Variants in PARP4 observed in about 807,000 individuals in gnomAD.
PARP4 encodes the protein protein mono-ADP-ribosyltransferase PARP4.
Under a neutral mutation model 187.7 loss-of-function variants are expected in PARP4, and 120 were observed. The ratio of observed to expected loss-of-function variants is 0.64; its 90% CI spans 0.55 to 0.74. The LOEUF (loss-of-function observed/expected upper bound fraction) is 0.74, where lower values mean the gene tolerates loss of function less well. PARP4 is among the 30% of genes least tolerant of loss of function. The probability of loss-of-function intolerance (pLI) is 0.00; values close to 1 mark genes in which losing one functional copy is unlikely to be tolerated. For missense variants in PARP4, 1,836 were observed against 2,070.5 expected (o/e 0.89, Z 2.20); for synonymous variants, 654 against 740.9 (o/e 0.88, Z 1.90).
intron 33 of PARP4, among the ~76,000 whole-genome samples, chr13:24,424,079 C>A (rs1008021130): frequency 6.6e-6 from 1 of 152,160 alleles, no homozygotes; most frequent in African/African-American, 2.4e-5. Flanking sequence ...CCCGTCTCAG[C>A]CTCCTAAAGT....
At chr13:24,431,100 T>A (rs1015778429) in intron 32 of PARP4, among the ~76,000 whole-genome samples, 2 of 152,206 alleles carry the variant, frequency 1.3e-5, no homozygotes, top group Non-Finnish European at 2.9e-5. Context: ...AAAAAAGTAA[T>A]CTTTGATTAC....
At chr13:24,452,946 T>C (rs998376783) in intron 23 of PARP4, among the ~76,000 whole-genome samples, 1 of 152,134 alleles carries the variant, frequency 6.6e-6, no homozygotes, top group Non-Finnish European at 1.5e-5. Context: ...TTATTTTTTT[T>C]TTCTTTGAGA....
intron 8 of PARP4, among the ~76,000 whole-genome samples, chr13:24,492,817 A>C (rs1340205039): frequency 6.6e-6 from 1 of 152,232 alleles, no homozygotes; most frequent in Admixed American, 6.5e-5. Flanking sequence ...ACTAGAAGAA[A>C]GAACCAGAGT....
intron 10 of PARP4, among the ~76,000 whole-genome samples, chr13:24,489,075 C>A (rs1593642196): frequency 6.6e-6 from 1 of 152,128 alleles, no homozygotes. Context: ...TATTTAACCA[C>A]CTTTTGGCTG....
At position 24,435,512 on chromosome 13, in the gene PARP4, C is replaced by T. The variant is rs147582293; in HGVS notation, c.3667-38G>A. On this transcript the variant is annotated intron_variant, in intron 30 of 33. Transcript: ENST00000381989. ...CAGAATTATTAACGTAAGGGGAAAA[C>T]ACAGAATAAAAAGAACAATCAAGCA... 1.2e-4 allele frequency: 182 copies of T among 1,523,926 alleles called. 3 individuals carry two copies. The African/African-American group carries it at 2.3e-3, about 19-fold the overall frequency. The allele number at this position is 1,523,926 out of a possible 1,614,324, so 94.4% of individuals were successfully genotyped here.
In PARP4 at chr13:24,465,905, A is replaced by G. The variant is rs1021873922; in HGVS notation, c.2133+3119T>C. ...AACGAACGTATACTGGTTGTAATGT[A>G]ATGTATTCTGGTTGTAAGGTTCTTA... On this transcript the variant is annotated intron_variant, in intron 17 of 33. Transcript: ENST00000381989. 2.0e-5 allele frequency among the ~76,000 whole-genome samples: 3 copies of G among 152,342 alleles called. No individual in the cohort carries two copies. The South Asian group carries it at 6.2e-4, about 32-fold the overall frequency.
intron 24 of PARP4, among the ~76,000 whole-genome samples, chr13:24,450,633 C>T (rs564392354): frequency 6.6e-5 from 10 of 152,248 alleles, no homozygotes; most frequent in East Asian, 3.9e-4. Context: ...CCAGGACTCA[C>T]GCCAAGGAGG....
intron 12 of PARP4, among the ~76,000 whole-genome samples, chr13:24,482,273 T>G (rs1185479555): frequency 6.6e-6 from 1 of 152,240 alleles, no homozygotes; most frequent in African/African-American, 2.4e-5. Context: ...GTGAAGATGT[T>G]GTGAACACTG....
chr13:24,459,861 TAA>T, intron 18 of PARP4, 109 bp downstream of exon 18: 1 of 840,136 alleles, frequency 1.2e-6, no homozygotes, highest in Non-Finnish European at 1.8e-6. Flanking sequence ...ACTTTATGCC[TAA>T]AAGATTATTT....
chr13:24,487,891 C>A (rs1302737573), intron 10 of PARP4, among the ~76,000 whole-genome samples: 5 of 152,154 alleles, frequency 3.3e-5, no homozygotes, highest in Non-Finnish European at 7.3e-5. Context: ...GTTATATTAT[C>A]TCAGGGTTGT....
intron 9 of PARP4, 109 bp from the exon 10 acceptor site, chr13:24,490,937 A>C: frequency 2.0e-6 from 2 of 1,014,846 alleles, no homozygotes; most frequent in Non-Finnish European, 2.9e-6. Flanking sequence ...TTTTCCCCCA[A>C]AGCTTGTTTT....
chr13:24,426,366 G>T, intron 33 of PARP4, 100 bp downstream of exon 33: 1 of 782,772 alleles, frequency 1.3e-6, no homozygotes, highest in East Asian at 2.9e-5. Flanking sequence ...CATACTTATA[G>T]TGTACACATG....
chr13:24,503,238 C>T (rs780309529), intron 2 of PARP4, among the ~76,000 whole-genome samples: 7 of 152,246 alleles, frequency 4.6e-5, no homozygotes, highest in Non-Finnish European at 1.0e-4. Flanking sequence ...TTTCTTTCTA[C>T]ACCCAGGAAC....
At chr13:24,483,218 G>C (rs184087370) in intron 12 of PARP4, among the ~76,000 whole-genome samples, 3,726 of 151,664 alleles carry the variant, frequency 0.025, 89 homozygotes, top group African/African-American at 0.068. Context: ...CGGGCGCGGT[G>C]GCTCACGCCT....
At chr13:24,490,023 C>T (rs17080735) in intron 10 of PARP4, among the ~76,000 whole-genome samples, 16,857 of 152,172 alleles carry the variant, frequency 0.11, 1,188 homozygotes, top group East Asian at 0.3. Context: ...GGAACTGCTG[C>T]AATGGAATGA....
At chr13:24,489,850 T>C (rs950432637) in intron 10 of PARP4, among the ~76,000 whole-genome samples, 3 of 152,166 alleles carry the variant, frequency 2.0e-5, no homozygotes, top group Non-Finnish European at 4.4e-5. Flanking sequence ...CATTTGCTGA[T>C]TTCCATGGCG....
At chr13:24,453,991 T>G (rs1301609987) in intron 22 of PARP4, among the ~76,000 whole-genome samples, 1 of 151,520 alleles carries the variant, frequency 6.6e-6, no homozygotes, top group African/African-American at 2.4e-5. Context: ...TGGTGAGCAC[T>G]GTAATCTCAG....
intron 26 of PARP4, 126 bp from the exon 27 acceptor site, chr13:24,446,887 T>G: frequency 4.3e-6 from 6 of 1,405,836 alleles, no homozygotes; most frequent in Non-Finnish European, 5.8e-6. Context: ...CCCAAAGCCC[T>G]GGCTAACCAC....
intron 10 of PARP4, 130 bp downstream of exon 10, chr13:24,490,538 T>C (rs2137529693): frequency 1.4e-6 from 1 of 728,982 alleles, no homozygotes; most frequent in Non-Finnish European, 2.3e-6. Flanking sequence ...GAAAGTAATG[T>C]GTCATCACAC....
Sources: gnomAD v4.1 joint callset for allele counts (sites outside exome capture counted in the v4.1 genomes callset) on GRCh38, gnomAD v4.1.1 for gene constraint, MANE v1.5 for transcripts, NCBI Gene and HGNC (gene_info 2026-07-23, HGNC 2026-07-21) for gene names.